Variants in TLE2 observed in about 807,000 individuals in gnomAD.
TLE2 encodes the protein transducin-like enhancer protein 2.
A neutral mutation model predicts 97.2 loss-of-function variants in TLE2; 74 were observed. The observed-to-expected ratio is 0.76, with a 90% confidence interval of 0.63 to 0.92. The LOEUF is 0.92. Among genes scored for constraint, TLE2 ranks in the 40% least tolerant of loss-of-function variants. The pLI, the probability that TLE2 is intolerant of heterozygous loss-of-function variation, is 0.00. For synonymous variants in TLE2, 499 were observed against 432.1 expected, an observed-to-expected ratio of 1.15 and a Z score of -1.92; for missense variants, 1,038 against 1,008.7, an observed-to-expected ratio of 1.03 and a Z score of -0.39.
At chr19:3,024,618 C>T (rs958014601) in intron 5 of TLE2, among the ~76,000 whole-genome samples, 1 of 152,142 alleles carries the variant, frequency 6.6e-6, no homozygotes, top group Non-Finnish European at 1.5e-5. Flanking sequence ...GCGTACCCAT[C>T]ATCTCCAGCA....
upstream of TLE2, among the ~76,000 whole-genome samples, chr19:3,046,160 G>A (rs1599260985): frequency 6.6e-6 from 1 of 152,214 alleles, no homozygotes; most frequent in East Asian, 1.9e-4. Context: ...CTGCCCTTGA[G>A]CAATGTTCTG....
At chr19:3,028,422 C>T in intron 2 of TLE2, 40 bp from the exon 3 acceptor site, 1 of 1,556,488 alleles carries the variant, frequency 6.4e-7, no homozygotes, top group Non-Finnish European at 8.7e-7. Flanking sequence ...CCACCCGCCC[C>T]ATGTGGGCCG....
chr19:3,018,417 C>A (rs903902945), intron 7 of TLE2, among the ~76,000 whole-genome samples: 9 of 151,780 alleles, frequency 5.9e-5, no homozygotes, highest in Non-Finnish European at 1.2e-4. Flanking sequence ...CTCAGCCTCC[C>A]GAGTAGCTCA....
rs55998855 is a variant in TLE2 at position 3,041,014 on chromosome 19, T to TATATATATATATGTATATATATATATATA, written c.63+4711_63+4712insTATATATATATATATACATATATATATAT. The stretch of plus-strand genomic sequence containing the variant: ...ATTTATATATATATATATATATATA[T>TATATATATATATGTATATATATATATATA]TTTTTTTTTTTTTTTTTTTTTTTTT... On this transcript the variant is annotated intron_variant, in intron 1 of 18. Coordinates refer to the TLE2 transcript ENST00000426948. 3.5e-4 allele frequency among the ~76,000 whole-genome samples: 7 copies of TATATATATATATGTATATATATATATATA among 20,168 alleles called. 1 individual carries two copies. Among genetic ancestry groups the TATATATATATATGTATATATATATATATA allele is most frequent in the Non-Finnish European group, 5.0e-4 (6 of 11,910 alleles). 13.2% of individuals were successfully genotyped at this position (20,168 alleles called of 152,430 possible).
chr19:3,027,057 C>T (rs539077338), intron 4 of TLE2, among the ~76,000 whole-genome samples: 1 of 152,230 alleles, frequency 6.6e-6, no homozygotes. Context: ...AAACTGAGGT[C>T]AATCTCAGAA....
chr19:3,031,514 G>C (rs4807388), upstream of TLE2, among the ~76,000 whole-genome samples: 38,726 of 151,820 alleles, frequency 0.26, 5,171 homozygotes, highest in East Asian at 0.31. Context: ...ATTGTTTATA[G>C]AGACAAGGTC....
intron 4 of TLE2, 107 bp downstream of exon 4, chr19:3,027,722 C>G (rs1224468946): frequency 4.6e-6 from 5 of 1,089,056 alleles, no homozygotes; most frequent in Non-Finnish European, 6.7e-6. Flanking sequence ...GGATGAGACC[C>G]GTGTTCCCTA....
Sources: gnomAD v4.1 joint callset for allele counts (sites outside exome capture counted in the v4.1 genomes callset) on GRCh38, gnomAD v4.1.1 for gene constraint, MANE v1.5 for transcripts, NCBI Gene and HGNC (gene_info 2026-07-23, HGNC 2026-07-21) for gene names.